Variants in LRFN5 observed in about 807,000 individuals in gnomAD.
LRFN5 encodes leucine rich repeat and fibronectin type III domain containing 5, also known as leucine-rich repeat and fibronectin type-III domain-containing protein 5.
Under a neutral mutation model 45.6 loss-of-function variants are expected in LRFN5, and 24 were observed. The ratio of observed to expected loss-of-function variants is 0.53; its 90% confidence interval spans 0.38 to 0.74. The LOEUF is 0.74. Ranked by LOEUF, LRFN5 falls within the 30% of genes least tolerant of loss-of-function variation. The probability of loss-of-function intolerance (pLI) is 0.00; values close to 1 mark genes in which losing one functional copy is unlikely to be tolerated. For synonymous variants in LRFN5, 340 were observed against 313.8 expected (o/e 1.08, Z -0.88); for missense variants, 776 against 861.5 (o/e 0.90, Z 1.24).
chr14:41,821,481 A>T (rs1360451752), intron 2 of LRFN5, among the ~76,000 whole-genome samples: 1 of 151,972 alleles, frequency 6.6e-6, no homozygotes, highest in African/African-American at 2.4e-5. Context: ...AATAAAACCT[A>T]CTTGATTATA....
chr14:41,665,392 T>C (rs1242635521), intron 1 of LRFN5, among the ~76,000 whole-genome samples: 2 of 151,984 alleles, frequency 1.3e-5, no homozygotes, highest in African/African-American at 2.4e-5. Context: ...TTATAGAACA[T>C]GTAACTAGGT....
intron 1 of LRFN5, among the ~76,000 whole-genome samples, chr14:41,753,178 A>G (rs1398191032): frequency 6.6e-6 from 1 of 150,706 alleles, no homozygotes; most frequent in Non-Finnish European, 1.5e-5. Flanking sequence ...GCCTTGTAGT[A>G]TAGTTTGAAG....
intron 4 of LRFN5, chr14:41,893,370 G>GT: frequency 1.2e-6 from 1 of 835,380 alleles, no homozygotes; most frequent in East Asian, 2.8e-4. Flanking sequence ...TCTATAAACA[G>GT]TTACCATCAA....
At chr14:41,759,256 G>A (rs564504184) in intron 1 of LRFN5, among the ~76,000 whole-genome samples, 3 of 152,054 alleles carry the variant, frequency 2.0e-5, no homozygotes, top group Non-Finnish European at 4.4e-5. Context: ...GCAGTTCTTC[G>A]AAACTCCCAT....
intron 1 of LRFN5, chr14:41,701,225 T>C (rs1882828672): frequency 6.6e-6 from 1 of 152,184 alleles, no homozygotes; most frequent in Admixed American, 6.6e-5. Flanking sequence ...CATTTATCAC[T>C]CCAAGTATTC....
intron 2 of LRFN5, among the ~76,000 whole-genome samples, chr14:41,882,433 C>A (rs891197129): frequency 6.6e-6 from 1 of 152,126 alleles, no homozygotes; most frequent in African/African-American, 2.4e-5. Flanking sequence ...CCCTGAGGGA[C>A]TGTATTTTTC....
intron 2 of LRFN5, among the ~76,000 whole-genome samples, chr14:41,865,985 A>G (rs892395959): frequency 1.3e-5 from 2 of 152,150 alleles, no homozygotes; most frequent in African/African-American, 2.4e-5. Flanking sequence ...ATTTTCAACT[A>G]CTTTTTCTGA....
At chr14:41,648,520 G>A (rs1167076328) in intron 1 of LRFN5, among the ~76,000 whole-genome samples, 1 of 152,018 alleles carries the variant, frequency 6.6e-6, no homozygotes, top group Non-Finnish European at 1.5e-5. Flanking sequence ...TAAAATGGCT[G>A]TGTCGTCAAA....
chr14:41,877,680 A>G (rs972574166), intron 2 of LRFN5, among the ~76,000 whole-genome samples: 2 of 152,044 alleles, frequency 1.3e-5, no homozygotes, highest in African/African-American at 4.8e-5. Flanking sequence ...ACAGGATACT[A>G]TATTAAGAAC....
chr14:41,639,668 A>G (rs1195750634), intron 1 of LRFN5, among the ~76,000 whole-genome samples: 1 of 152,190 alleles, frequency 6.6e-6, no homozygotes, highest in African/African-American at 2.4e-5. Context: ...ACAATGTTTA[A>G]TTCTGGACTG....
At chr14:41,664,761 A>G (rs1285741749) in intron 1 of LRFN5, among the ~76,000 whole-genome samples, 1 of 150,430 alleles carries the variant, frequency 6.6e-6, no homozygotes, top group African/African-American at 2.4e-5. Flanking sequence ...AATCACAAAA[A>G]TGATTATTTT....
intron 2 of LRFN5, among the ~76,000 whole-genome samples, chr14:41,810,674 C>G (rs558827468): frequency 6.6e-6 from 1 of 152,104 alleles, no homozygotes; most frequent in East Asian, 1.9e-4. Flanking sequence ...ATTTTACTTT[C>G]CAAATGCATT....
intron 1 of LRFN5, among the ~76,000 whole-genome samples, chr14:41,635,318 A>G (rs899671676): frequency 6.6e-6 from 1 of 152,160 alleles, no homozygotes; most frequent in Non-Finnish European, 1.5e-5. Context: ...TATTTTTAAA[A>G]ACATAAATAA....
At position 41,849,166 on chromosome 14, in the gene LRFN5, A is replaced by G. The variant is rs139279239; in HGVS notation, c.-20-37440A>G. Among the ~76,000 whole-genome samples the G allele has an allele frequency of 5.5e-3, 840 of 152,102 alleles. 6 individuals are homozygous for G. The highest frequency in any genetic ancestry group is 0.019 in the African/African-American group (787 of 41,528). ...CTATAAAGTAACAAATTTTACTTCC[A>G]TTAGCTATTACAAAACCTTATGTTA... On this transcript the variant is annotated intron_variant, in intron 2 of 5. Coordinates refer to ENST00000298119, the MANE Select transcript of LRFN5 (RefSeq NM_152447.5).
At chr14:41,748,451 C>G (rs994017921) in intron 1 of LRFN5, among the ~76,000 whole-genome samples, 1 of 152,002 alleles carries the variant, frequency 6.6e-6, no homozygotes, top group Non-Finnish European at 1.5e-5. Flanking sequence ...ATAGAGGGAA[C>G]TTAGAGTAGT....
At chr14:41,777,532 T>C (rs1175199083) in intron 2 of LRFN5, among the ~76,000 whole-genome samples, 2 of 151,816 alleles carry the variant, frequency 1.3e-5, no homozygotes, top group Admixed American at 6.6e-5. Flanking sequence ...CTAACTAGTT[T>C]TAGTAGTTTT....
intron 2 of LRFN5, among the ~76,000 whole-genome samples, chr14:41,826,848 T>TAATAAGTAATTATTTTGATTCATAA (rs1888312659): frequency 1.9e-5 from 1 of 51,746 alleles, no homozygotes; most frequent in Non-Finnish European, 4.6e-5. Context: ...AATGTTGTTT[T>TAATAAGTAATTATTTTGATTCATAA]AATAAGTAAT....
At chr14:41,871,312 G>C (rs898816197) in intron 2 of LRFN5, among the ~76,000 whole-genome samples, 1 of 152,038 alleles carries the variant, frequency 6.6e-6, no homozygotes, top group Non-Finnish European at 1.5e-5. Context: ...TTTAGGCCAG[G>C]CACAGTGGCT....
At chr14:41,738,850 C>A (rs1884562882) in intron 1 of LRFN5, among the ~76,000 whole-genome samples, 1 of 152,102 alleles carries the variant, frequency 6.6e-6, no homozygotes, top group African/African-American at 2.4e-5. Flanking sequence ...ATCTGTGTTT[C>A]TAACTTCTTA....
Sources: gnomAD v4.1 joint callset for allele counts (sites outside exome capture counted in the v4.1 genomes callset) on GRCh38, gnomAD v4.1.1 for gene constraint, MANE v1.5 for transcripts, NCBI Gene and HGNC (gene_info 2026-07-23, HGNC 2026-07-21) for gene names.